HDAC8: variants seen among roughly 807,000 people sequenced by gnomAD.
HDAC8 encodes histone deacetylase 8.
In HDAC8, 1 loss-of-function variant was observed where a neutral mutation model predicts 32.2. The ratio of observed to expected loss-of-function variants is 0.03; its 90% CI spans 0.01 to 0.15. HDAC8 has a LOEUF of 0.15. Ranked by LOEUF, HDAC8 falls within the 10% of genes least tolerant of loss-of-function variation. The pLI is 1.00. For missense variants in HDAC8, 117 were observed against 300.0 expected (o/e 0.39, Z 4.51); for synonymous variants, 108 against 113.9 (o/e 0.95, Z 0.33).
intron 4 of HDAC8, among the ~76,000 whole-genome samples, chrX:72,565,456 T>A (rs2051743957): frequency 8.9e-6 from 1 of 112,047 alleles, no homozygotes; most frequent in Admixed American, 9.4e-5. Flanking sequence ...TCCGTTTCCA[T>A]GCAGGATCAG....
intron 4 of HDAC8, among the ~76,000 whole-genome samples, chrX:72,542,222 T>C (rs1556043705): frequency 8.9e-6 from 1 of 112,426 alleles, no homozygotes; most frequent in African/African-American, 3.2e-5. Context: ...ATCTTTTTCC[T>C]TTATCAGTGA....
At chrX:72,392,035 A>C (rs1555964025) in intron 9 of HDAC8, among the ~76,000 whole-genome samples, 2 of 112,293 alleles carry the variant, frequency 1.8e-5, no homozygotes, top group Admixed American at 9.5e-5. Flanking sequence ...GAAATCTATT[A>C]ATACATTACA....
At chrX:72,379,458 T>C (rs1394156495) in intron 9 of HDAC8, among the ~76,000 whole-genome samples, 1 of 109,252 alleles carries the variant, frequency 9.2e-6, no homozygotes, top group Non-Finnish European at 1.9e-5. Flanking sequence ...CAGAGTTTTG[T>C]TGTTGTTGCT....
intron 9 of HDAC8, among the ~76,000 whole-genome samples, chrX:72,434,228 C>T (rs1156567189): frequency 1.8e-5 from 2 of 111,646 alleles, no homozygotes; most frequent in African/African-American, 6.5e-5. Flanking sequence ...TCTTACTTTT[C>T]TCATTGGTAA....
chrX:72,499,357 C>A (rs1387079767), intron 4 of HDAC8, among the ~76,000 whole-genome samples: 2 of 111,499 alleles, frequency 1.8e-5, no homozygotes, highest in African/African-American at 6.5e-5. Context: ...ATAGCACTTA[C>A]TCTAAAATCA....
chrX:72,475,510 C>T (rs1451974156), intron 7 of HDAC8, among the ~76,000 whole-genome samples: 1 of 111,466 alleles, frequency 9.0e-6, no homozygotes, highest in Admixed American at 9.6e-5. Context: ...ACTCATTCTG[C>T]AACAACTCAA....
At chrX:72,413,267 CA>C (rs2046249224) in intron 9 of HDAC8, among the ~76,000 whole-genome samples, 2 of 65,180 alleles carry the variant, frequency 3.1e-5, no homozygotes, top group African/African-American at 1.9e-4. Flanking sequence ...TCCCTCCCCC[CA>C]CCCCCCACCC....
intron 4 of HDAC8, among the ~76,000 whole-genome samples, chrX:72,517,002 C>T (rs781877583): frequency 8.0e-5 from 9 of 112,139 alleles, no homozygotes; most frequent in African/African-American, 2.9e-4. Context: ...TTTTGAGGAA[C>T]TGCCAAACTG....
At chrX:72,361,687 A>T (rs1555952658) in intron 9 of HDAC8, among the ~76,000 whole-genome samples, 1 of 107,028 alleles carries the variant, frequency 9.3e-6, no homozygotes, top group Non-Finnish European at 1.9e-5. Context: ...GGTGCTAAGC[A>T]TCATTCTAGG....
chrX:72,360,045 C>A (rs1247942613), intron 9 of HDAC8, among the ~76,000 whole-genome samples: 1 of 99,664 alleles, frequency 1.0e-5, no homozygotes, highest in African/African-American at 4.0e-5. Flanking sequence ...TACAGTGGGA[C>A]CCTGTCTCAA....
At chrX:72,469,366 CAGCCT>C (rs1396496056) in intron 7 of HDAC8, among the ~76,000 whole-genome samples, 1 of 111,312 alleles carries the variant, frequency 9.0e-6, no homozygotes, top group Non-Finnish European at 1.9e-5. Flanking sequence ...TTTTGTTGCC[CAGCCT>C]AGACTCGAAC....
intron 9 of HDAC8, among the ~76,000 whole-genome samples, chrX:72,425,984 C>T (rs1555975313): frequency 8.9e-6 from 1 of 112,218 alleles, no homozygotes; most frequent in East Asian, 2.8e-4. Context: ...CACCATGAAG[C>T]TAATCATAAA....
chrX:72,426,679 C>T (rs1555975498), intron 9 of HDAC8, among the ~76,000 whole-genome samples: 1 of 110,548 alleles, frequency 9.0e-6, no homozygotes, highest in African/African-American at 3.3e-5. Context: ...AGGGTCCAAA[C>T]CTCCTAGCAG....
In HDAC8 at chrX:72,449,055, A is replaced by C. The variant is rs1379186944; in HGVS notation, c.1005+12949T>G. Among the ~76,000 whole-genome samples, 24 of 112,337 alleles carry C rather than the reference A, an allele frequency of 2.1e-4. No homozygotes were observed. The Admixed American group carries it at 2.3e-3, about 11-fold the overall frequency. Reference sequence around the variant, plus strand: ...AACCAGAAATACCATTTGACCCAGCAGTCCCATTACTGGGTATATACCCAA... The same window carrying C: ...AACCAGAAATACCATTTGACCCAGCCGTCCCATTACTGGGTATATACCCAA... On this transcript the variant is annotated intron_variant, in intron 9 of 10. Coordinates refer to ENST00000373573, the MANE Select transcript of HDAC8 (RefSeq NM_018486.3).
intron 10 of HDAC8, among the ~76,000 whole-genome samples, chrX:72,337,590 C>G (rs1273015550): frequency 9.0e-6 from 1 of 111,173 alleles, no homozygotes; most frequent in Non-Finnish European, 1.9e-5. Flanking sequence ...AACTGTACCC[C>G]AAACTATTCT....
chrX:72,345,595 A>G (rs1198346870), intron 10 of HDAC8, among the ~76,000 whole-genome samples: 1 of 111,752 alleles, frequency 8.9e-6, no homozygotes, highest in Non-Finnish European at 1.9e-5. Context: ...CATGAGTAAT[A>G]TGCCAAGGGT....
In HDAC8 at chrX:72,491,015, T is replaced by TCAA; in HGVS notation, c.551-10_551-9insTTG. The TCAA allele has an allele frequency of 8.9e-7, 1 of 1,128,164 alleles. No homozygotes were observed. The highest frequency in any genetic ancestry group is 1.2e-6 in the Non-Finnish European group (1 of 821,239). The allele number at this position is 1,128,164 out of a possible 1,213,427, so 93.0% of individuals were successfully genotyped here. A position where few individuals can be genotyped will look rare whatever the true frequency, so the allele number is the denominator to read the frequency against. On this transcript the variant is annotated splice_polypyrimidine_tract_variant and intron_variant, in intron 5 of 10. Transcript: ENST00000373573. Reference sequence around the variant, plus strand: ...GAATGCGTCTTCTACACCTAACAGATAAAGAAACATCAAAAGAATCACTTC... The same window carrying TCAA: ...GAATGCGTCTTCTACACCTAACAGATCAAAAAGAAACATCAAAAGAATCACTTC...
chrX:72,568,019 G>A lies in HDAC8; in HGVS notation c.307C>T (p.Pro103Ser). The change falls in exon 4 of 11, where the codon CCA (proline) becomes TCA (serine). Residue 103 changes from proline (P) to serine (S), a missense_variant. This residue lies in a region of HDAC8 where 57 missense variants were observed against 182.0 expected (regional missense o/e 0.31). Transcript: ENST00000373573. ...TAGTCAAATATCCCTTCAGTGGCTG[G>A]GCAGTCATAACCTTAGGGCAAAAAT... is the stretch of plus-strand genomic sequence containing the variant. ...SIEYGLGYDC[P>S]ATEGIFDYAA... 8.3e-7 allele frequency: 1 copy of A among 1,210,870 alleles called. No homozygotes were observed. The highest frequency in any genetic ancestry group is 1.1e-6 in the Non-Finnish European group (1 of 895,095).
intron 4 of HDAC8, among the ~76,000 whole-genome samples, chrX:72,562,949 T>A (rs1331192416): frequency 9.4e-6 from 1 of 106,685 alleles, no homozygotes; most frequent in African/African-American, 3.4e-5. Flanking sequence ...TGGCACGATC[T>A]CGGCTCTCCG....
Sources: gnomAD v4.1 joint callset for allele counts (sites outside exome capture counted in the v4.1 genomes callset) on GRCh38, gnomAD v4.1.1 for gene constraint, gnomAD v4.1.1 regional missense constraint, MANE v1.5 for transcripts, NCBI Gene and HGNC (gene_info 2026-07-23, HGNC 2026-07-21) for gene names.